Variants in SEZ6L observed in about 807,000 individuals in gnomAD.
SEZ6L encodes seizure related 6 homolog like, also known as seizure 6-like protein.
A neutral mutation model predicts 106.2 loss-of-function variants in SEZ6L; 37 were observed. The ratio of observed to expected loss-of-function variants is 0.35; its 90% CI spans 0.27 to 0.46. The LOEUF (loss-of-function observed/expected upper bound fraction) is 0.46. SEZ6L is among the 20% of genes least tolerant of loss of function. SEZ6L has a pLI of 1.00. For missense variants in SEZ6L, 1,172 were observed against 1,332.8 expected (o/e 0.88, Z 1.88); for synonymous variants, 541 against 570.4 (o/e 0.95, Z 0.73).
rs67356909 is a variant in SEZ6L, at chr22:26,343,342, A to T, written c.2212+2710A>T. On this transcript the variant is annotated intron_variant, in intron 10 of 16. Coordinates refer to ENST00000248933, the MANE Select transcript of SEZ6L (RefSeq NM_021115.5). The stretch of plus-strand genomic sequence containing the variant: ...TGATGGCCAAAAAAAAAAAAAAAAA[A>T]CTGACTGACTCTATCCAAGGCTGGT... Among the ~76,000 whole-genome samples, 99 of 148,486 alleles carry T rather than the reference A, an allele frequency of 6.7e-4. 3 individuals carry two copies. The highest frequency in any genetic ancestry group is 1.8e-3 in the East Asian group (9 of 5,036).
At chr22:26,260,428 G>A (rs2079963199) in intron 1 of SEZ6L, among the ~76,000 whole-genome samples, 1 of 152,056 alleles carries the variant, frequency 6.6e-6, no homozygotes, top group African/African-American at 2.4e-5. Flanking sequence ...TAGAATAATA[G>A]TCTTCAGTTC....
intron 12 of SEZ6L, among the ~76,000 whole-genome samples, chr22:26,353,123 C>T (rs1380661469): frequency 1.3e-5 from 2 of 152,176 alleles, no homozygotes; most frequent in East Asian, 1.9e-4. Flanking sequence ...CCACACAGCC[C>T]TGTGTCTCCA....
chr22:26,247,185 G>A (rs1365237677), intron 1 of SEZ6L, among the ~76,000 whole-genome samples: 1 of 152,178 alleles, frequency 6.6e-6, no homozygotes, highest in Non-Finnish European at 1.5e-5. Flanking sequence ...GGCATTTGTA[G>A]GGCAGGTAGG....
intron 12 of SEZ6L, among the ~76,000 whole-genome samples, chr22:26,358,707 C>A (rs575862034): frequency 6.6e-6 from 1 of 152,124 alleles, no homozygotes; most frequent in African/African-American, 2.4e-5. Context: ...AGTTGCAACC[C>A]GAATTGTTTA....
At chr22:26,286,287 T>C (rs923826159) in intron 1 of SEZ6L, among the ~76,000 whole-genome samples, 2 of 152,216 alleles carry the variant, frequency 1.3e-5, no homozygotes, top group African/African-American at 4.8e-5. Context: ...ATTACAACCT[T>C]GTGTGTGCAT....
chr22:26,285,243 A>AGAAT (rs138251564), intron 1 of SEZ6L, among the ~76,000 whole-genome samples: 3,632 of 152,260 alleles, frequency 0.024, 147 homozygotes, highest in African/African-American at 0.084. Flanking sequence ...TAATAAGTGC[A>AGAAT]GAATGAATGA....
At chr22:26,252,762 T>C (rs932745742) in intron 1 of SEZ6L, among the ~76,000 whole-genome samples, 14 of 152,274 alleles carry the variant, frequency 9.2e-5, no homozygotes, top group African/African-American at 3.4e-4. Flanking sequence ...TGTTCTTTGT[T>C]TATGGCTGCA....
intron 1 of SEZ6L, among the ~76,000 whole-genome samples, chr22:26,260,406 AG>A (rs946603259): frequency 5.6e-4 from 85 of 152,218 alleles, no homozygotes; most frequent in African/African-American, 2.0e-3. Flanking sequence ...TCCATTCTTG[AG>A]TTACTATGCT....
chr22:26,294,442 A>G lies in SEZ6L; in HGVS notation c.969+17A>G. ...GAGCTCCAGGTAACCCCAGGAGAGT[A>G]CCTCACAGAGGCTGCCTCGTCTAGC... On this transcript the variant is annotated intron_variant, in intron 3 of 16. Transcript: ENST00000248933. 1 of 1,610,392 alleles carries G rather than the reference A, an allele frequency of 6.2e-7. No individual in the cohort carries two copies. Among genetic ancestry groups the G allele is most frequent in the Non-Finnish European group, 8.5e-7 (1 of 1,177,452 alleles).
intron 14 of SEZ6L, 125 bp downstream of exon 14, chr22:26,373,608 C>T: frequency 2.7e-6 from 2 of 736,534 alleles, no homozygotes; most frequent in Non-Finnish European, 4.3e-6. Context: ...TTCAGACTGC[C>T]AAAGATAATC....
Position 26,291,976 on chromosome 22 carries a change from A to AAAGGAAGG in SEZ6L, c.95-376_95-369dup, listed in dbSNP as rs56887152. ...CATGATCAAGCCCAAGTCTTCAGGA[A>AAAGGAAGG]AAGGAAGGAAGGAAGGAAGGAAGGA... On this transcript the variant is annotated intron_variant, in intron 1 of 16. Coordinates refer to ENST00000248933, the MANE Select transcript of SEZ6L (RefSeq NM_021115.5). Among the ~76,000 whole-genome samples, 276 of 123,302 alleles carry AAAGGAAGG rather than the reference A, an allele frequency of 2.2e-3. 5 individuals carry two copies. The highest frequency in any genetic ancestry group is 9.5e-3 in the Admixed American group (106 of 11,194). 80.9% of individuals were successfully genotyped at this position (123,302 alleles called of 152,430 possible).
At chr22:26,357,330 C>G (rs576473871) in intron 12 of SEZ6L, among the ~76,000 whole-genome samples, 1 of 152,308 alleles carries the variant, frequency 6.6e-6, no homozygotes, top group Non-Finnish European at 1.5e-5. Flanking sequence ...TTTGGGAACC[C>G]TGGCACTAGC....
At chr22:26,195,334 G>C (rs1940506347) in intron 1 of SEZ6L, among the ~76,000 whole-genome samples, 1 of 152,198 alleles carries the variant, frequency 6.6e-6, no homozygotes, top group South Asian at 2.1e-4. Context: ...TGGAAAGTCA[G>C]AGGAAGCTTA....
intron 13 of SEZ6L, 145 bp downstream of exon 13, chr22:26,365,711 CAA>C (rs767584458): frequency 2.5e-3 from 1,221 of 493,198 alleles, no homozygotes; most frequent in South Asian, 4.3e-3. Context: ...CCATCTCTAC[CAA>C]AAAAAAAAAA....
intron 12 of SEZ6L, among the ~76,000 whole-genome samples, chr22:26,363,468 C>A (rs1206935680): frequency 1.3e-5 from 2 of 152,134 alleles, no homozygotes; most frequent in Non-Finnish European, 2.9e-5. Flanking sequence ...TTCCTGTGAA[C>A]CAGGCATTGT....
At chr22:26,201,409 A>T (rs899808902) in intron 1 of SEZ6L, among the ~76,000 whole-genome samples, 3 of 136,414 alleles carry the variant, frequency 2.2e-5, no homozygotes, top group Non-Finnish European at 4.7e-5. Flanking sequence ...AAAAAAGAGG[A>T]AATTTGCCGG....
chr22:26,245,665 G>C (rs892651345), intron 1 of SEZ6L, among the ~76,000 whole-genome samples: 1 of 152,202 alleles, frequency 6.6e-6, no homozygotes, highest in Non-Finnish European at 1.5e-5. Context: ...ATTAAAGAAT[G>C]CTGGCTCTTA....
chr22:26,286,099 G>A (rs1350621016), intron 1 of SEZ6L, among the ~76,000 whole-genome samples: 2 of 152,212 alleles, frequency 1.3e-5, no homozygotes, highest in African/African-American at 4.8e-5. Context: ...GATTAGAATA[G>A]TGACTAACAG....
intron 5 of SEZ6L, among the ~76,000 whole-genome samples, chr22:26,300,258 C>T (rs538318165): frequency 6.6e-6 from 1 of 152,292 alleles, no homozygotes; most frequent in Non-Finnish European, 1.5e-5. Context: ...CACCCATTAA[C>T]TCATCATTTA....
Sources: gnomAD v4.1 joint callset for allele counts (sites outside exome capture counted in the v4.1 genomes callset) on GRCh38, gnomAD v4.1.1 for gene constraint, MANE v1.5 for transcripts, NCBI Gene and HGNC (gene_info 2026-07-23, HGNC 2026-07-21) for gene names.